The following MAP4 variants were observed in gnomAD, a reference collection of about 807,000 sequenced individuals.
MAP4 encodes the protein microtubule-associated protein 4.
MAP4 carries 76 observed loss-of-function variants against 170.2 expected under a neutral mutation model. The observed-to-expected ratio is 0.45, with a 90% CI of 0.37 to 0.54. MAP4 has a LOEUF of 0.54. Among genes scored for constraint, MAP4 ranks in the 20% least tolerant of loss-of-function variants. MAP4 has a pLI of 0.00. For synonymous variants in MAP4, 909 were observed against 994.5 expected (o/e 0.91, Z 1.62); for missense variants, 2,506 against 2,748.0 (o/e 0.91, Z 1.97).
chr3:47,900,756 C>T (rs573620903), intron 10 of MAP4, among the ~76,000 whole-genome samples: 1 of 151,972 alleles, frequency 6.6e-6, no homozygotes, highest in South Asian at 2.1e-4. Context: ...ACAACAACAA[C>T]AACAACTCTA....
At position 47,998,807 on chromosome 3, in the gene MAP4, C is replaced by A; in HGVS notation, c.54G>T (p.Glu18Asp). ...CAATGAAGTCCCGCTTTATCTCTCC[C>A]TCAATGTCTGGAGATGGTTCTGTTA... Reference protein sequence around the residue: ...DALTEPSPDIEGEIKRDFIAT... With the variant: ...DALTEPSPDIDGEIKRDFIAT... The change falls in exon 2 of 21, where the codon GAG (glutamate) becomes GAT (aspartate). Residue 18 changes from glutamate (E) to aspartate (D), a missense_variant. This residue lies in a region of MAP4 where 2,008 missense variants were observed against 2,206.0 expected (regional missense o/e 0.91). Transcript: ENST00000683076. 1.2e-6 allele frequency: 2 copies of A among 1,614,218 alleles called. No individual in the cohort carries two copies. The highest frequency in any genetic ancestry group is 1.7e-6 in the Non-Finnish European group (2 of 1,180,034).
Position 47,911,166 on chromosome 3 carries a change from T to C in MAP4, c.3255A>G (p.Pro1085=), listed in dbSNP as rs578180290. 2.2e-5 allele frequency: 34 copies of C among 1,536,116 alleles called. No homozygotes were observed. Among genetic ancestry groups the C allele is most frequent in the Non-Finnish European group, 3.0e-5 (34 of 1,146,898 alleles). The part of the protein sequence containing the change: ...SGKVKAKSEL[P]FLLDSQKDGR... ...CGTCCTTCTGGCTGTCCAGAAGAAATGGCAGCTCAGATTTTGCTTTTACCT... is the reference window on the plus strand; with the variant it reads ...CGTCCTTCTGGCTGTCCAGAAGAAACGGCAGCTCAGATTTTGCTTTTACCT... The change falls in exon 9 of 21, where the codon CCA becomes CCG. Residue 1085 remains proline, a synonymous_variant. Coordinates refer to ENST00000683076, the MANE Select transcript of MAP4 (RefSeq NM_001385682.1). The surrounding 1 kb of genome is among the most constrained non-coding windows in gnomAD (Gnocchi z 4.0).
intron 1 of MAP4, among the ~76,000 whole-genome samples, chr3:48,023,511 C>T (rs1387345356): frequency 6.6e-6 from 1 of 152,206 alleles, no homozygotes; most frequent in East Asian, 1.9e-4. Flanking sequence ...TGAGTTTACT[C>T]TTAAGTGGGC....
Position 47,957,823 on chromosome 3 carries a change from C to T in MAP4, c.292+20042G>A, listed in dbSNP as rs57941550. On this transcript the variant is annotated intron_variant, in intron 3 of 20. Transcript: ENST00000683076. ...GGGGTAATGATTTCAATCAGAGACA[C>T]CTTACATGGTGCTGTCTCCTCCCTC... Among the ~76,000 whole-genome samples, 1,430 of 152,208 alleles carry T rather than the reference C, an allele frequency of 9.4e-3. 25 individuals carry two copies. Among genetic ancestry groups the T allele is most frequent in the African/African-American group, 0.033 (1,360 of 41,508 alleles).
rs1001502536 is a variant in MAP4 at position 48,007,049 on chromosome 3, A to G, written c.-19-8170T>C. ...TATATCAACTCTCCGGCTTTGTGTC[A>G]TAATCTTATTTGGAGAGATCTTGAT... On this transcript the variant is annotated intron_variant, in intron 1 of 20. Coordinates refer to ENST00000683076, the MANE Select transcript of MAP4 (RefSeq NM_001385682.1). Among the ~76,000 whole-genome samples the G allele has an allele frequency of 8.5e-5, 13 of 152,254 alleles. 1 individual carries two copies. The highest frequency in any genetic ancestry group is 6.3e-3 in the Middle Eastern group (2 of 316).
chr3:47,864,631 C>A (rs1250547084), intron 17 of MAP4, among the ~76,000 whole-genome samples: 1 of 151,826 alleles, frequency 6.6e-6, no homozygotes, highest in Non-Finnish European at 1.5e-5. Context: ...GAGCCGAGAT[C>A]GCACCACTGC....
chr3:47,912,974 C>T (rs986003298), intron 8 of MAP4, among the ~76,000 whole-genome samples: 4 of 152,168 alleles, frequency 2.6e-5, no homozygotes, highest in Non-Finnish European at 5.9e-5. Context: ...CACGCACACA[C>T]ACAAAATATA....
intron 1 of MAP4, among the ~76,000 whole-genome samples, chr3:48,002,657 G>A (rs955770949): frequency 1.3e-5 from 2 of 152,094 alleles, no homozygotes; most frequent in Admixed American, 1.3e-4. Flanking sequence ...GAGGCAGCTG[G>A]ATCACTTGAG....
At chr3:47,930,273 G>A (rs1401618225) in intron 3 of MAP4, among the ~76,000 whole-genome samples, 2 of 149,702 alleles carry the variant, frequency 1.3e-5, no homozygotes, top group Admixed American at 1.3e-4. Context: ...GTGAAACCCC[G>A]TCTCTACTAA....
intron 18 of MAP4, among the ~76,000 whole-genome samples, chr3:47,856,580 C>T (rs528388091): frequency 3.3e-5 from 5 of 152,110 alleles, no homozygotes; most frequent in Non-Finnish European, 5.9e-5. Flanking sequence ...GCATGCACCA[C>T]CACACCTAGC....
At position 47,933,736 on chromosome 3, in the gene MAP4, G is replaced by T. The variant is rs190993672; in HGVS notation, c.293-5386C>A. 1.9e-4 allele frequency among the ~76,000 whole-genome samples: 29 copies of T among 152,142 alleles called. No individual in the cohort carries two copies. The East Asian group carries it at 4.8e-3, about 25-fold the overall frequency. ...CTGCCTCAGCCTCCCAAGCAGCTGG[G>T]ACTACAGGCGCCTGCCACCACGCCC... On this transcript the variant is annotated intron_variant, in intron 3 of 20. Coordinates refer to ENST00000683076, the MANE Select transcript of MAP4 (RefSeq NM_001385682.1).
At position 47,973,093 on chromosome 3, in the gene MAP4, A is replaced by C. The variant is rs139615284; in HGVS notation, c.292+4772T>G. 861 of 980,476 alleles carry C rather than the reference A, an allele frequency of 8.8e-4. 5 individuals are homozygous for C. The African/African-American group carries it at 0.014, about 16-fold the overall frequency. The allele number at this position is 980,476 out of a possible 1,614,324, so 60.7% of individuals were successfully genotyped here. On this transcript the variant is annotated intron_variant, in intron 3 of 20. Transcript: ENST00000683076. The stretch of plus-strand genomic sequence containing the variant: ...AATCCAGTCCATAAGGTGTTAATGT[A>C]AGATGTTTATTAGTGGAATTTATTT...
At chr3:47,981,836 C>A (rs1228698694) in intron 2 of MAP4, among the ~76,000 whole-genome samples, 1 of 151,434 alleles carries the variant, frequency 6.6e-6, no homozygotes, top group South Asian at 2.1e-4. Flanking sequence ...ATGATAGCTA[C>A]AAAAACAGGA....
intron 4 of MAP4, among the ~76,000 whole-genome samples, chr3:47,927,292 C>T (rs960290712): frequency 2.6e-5 from 4 of 151,894 alleles, no homozygotes; most frequent in South Asian, 4.1e-4. Context: ...TTGAAACAAA[C>T]GATGAGCATC....
Position 47,869,294 on chromosome 3 carries a change from T to G in MAP4, c.6328A>C (p.Thr2110Pro). ...GCATTAGATTCAGGCTTTCGGGTTG[T>G]AGCAGCTGCCTCTGTTTTTTTCTCT... ...KVEKKTEAAA[T>P]TRKPESNAVT... Residue 2110 changes from threonine to proline, a missense_variant, in exon 16 of 21, where the codon ACA becomes CCA. This residue lies in a region of MAP4 where 487 missense variants were observed against 511.6 expected (regional missense o/e 0.95). Coordinates refer to ENST00000683076, the MANE Select transcript of MAP4 (RefSeq NM_001385682.1). 1 of 1,614,142 alleles carries G rather than the reference T, an allele frequency of 6.2e-7. No homozygotes were observed. Among genetic ancestry groups the G allele is most frequent in the South Asian group, 1.1e-5 (1 of 91,086 alleles).
At position 48,078,590 on chromosome 3, in the gene MAP4, A is replaced by G. The variant is rs143811615; in HGVS notation, c.-20+10183T>C. ...AAGAGTAGGGTAGAAAGGGGCCGTG[A>G]ATGACCTTCTAAAGGTGAAACTTGA... On this transcript the variant is annotated intron_variant, in intron 1 of 18. Transcript: ENST00000360240. Among the ~76,000 whole-genome samples the G allele has an allele frequency of 6.6e-3, 1,011 of 152,250 alleles. 9 individuals are homozygous for G. Among genetic ancestry groups the G allele is most frequent in the Non-Finnish European group, 0.013 (877 of 68,024 alleles).
intron 12 of MAP4, among the ~76,000 whole-genome samples, chr3:47,873,354 AT>A (rs1403415546): frequency 6.6e-6 from 1 of 152,238 alleles, no homozygotes; most frequent in African/African-American, 2.4e-5. Context: ...TGAAGACACT[AT>A]TTTGATAAAC....
intron 5 of MAP4, 45 bp downstream of exon 5, chr3:47,921,719 AT>A (rs1559473529): frequency 5.9e-6 from 7 of 1,180,784 alleles, no homozygotes; most frequent in Non-Finnish European, 8.8e-6. Context: ...TAAAGAAAAA[AT>A]TTTTTTCCTT....
chr3:47,937,778 C>T (rs889308940), intron 3 of MAP4, among the ~76,000 whole-genome samples: 6 of 150,628 alleles, frequency 4.0e-5, no homozygotes, highest in African/African-American at 1.5e-4. Context: ...TCTCCTGCCT[C>T]AGCCTCCTGA....
Sources: gnomAD v4.1 joint callset for allele counts (sites outside exome capture counted in the v4.1 genomes callset) on GRCh38, gnomAD v4.1.1 for gene constraint, gnomAD v4.1.1 regional missense constraint, Gnocchi (gnomAD v3.1) non-coding constraint, MANE v1.5 for transcripts, NCBI Gene and HGNC (gene_info 2026-07-23, HGNC 2026-07-21) for gene names.